USP13: variants seen among roughly 807,000 people sequenced by gnomAD.
USP13 encodes the protein ubiquitin carboxyl-terminal hydrolase 13.
In USP13, 68 loss-of-function variants were observed where a neutral mutation model predicts 107.8. That is an observed-to-expected ratio of 0.63 (90% CI 0.52 to 0.77). The LOEUF (loss-of-function observed/expected upper bound fraction) is 0.77. Ranked by LOEUF, USP13 falls within the 30% of genes least tolerant of loss-of-function variation. The probability of loss-of-function intolerance (pLI) is 0.00; values close to 1 mark genes in which losing one functional copy is unlikely to be tolerated. For missense variants in USP13, 945 were observed against 1,093.3 expected (o/e 0.86, Z 1.91); for synonymous variants, 377 against 389.5 (o/e 0.97, Z 0.38).
chr3:179,734,919 G>T (rs953301684), intron 10 of USP13, among the ~76,000 whole-genome samples: 1 of 152,108 alleles, frequency 6.6e-6, no homozygotes, highest in African/African-American at 2.4e-5. Context: ...TAAAGCATTC[G>T]GCTCAGGGGA....
chr3:179,677,507 G>A (rs899376362), intron 1 of USP13, among the ~76,000 whole-genome samples: 4 of 152,042 alleles, frequency 2.6e-5, no homozygotes, highest in Non-Finnish European at 5.9e-5. Context: ...TTGAACCCAG[G>A]AGGTGGAGGT....
At chr3:179,734,743 G>A (rs2108507656) in intron 10 of USP13, among the ~76,000 whole-genome samples, 1 of 152,314 alleles carries the variant, frequency 6.6e-6, no homozygotes, top group East Asian at 1.9e-4. Flanking sequence ...CTGGTTCAAG[G>A]TTTATTGTTT....
rs60621113 is a variant in USP13, at chr3:179,786,757, G to A, written c.*2616G>A. 0.16 allele frequency: 24,198 copies of A among 152,252 alleles called. 2,035 individuals are homozygous for A. Among genetic ancestry groups the A allele is most frequent in the East Asian group, 0.21 (1,081 of 5,180 alleles). 9.4% of individuals were successfully genotyped at this position (152,252 alleles called of 1,614,324 possible). Reference sequence around the variant, plus strand: ...ATTTGTGACTGAAAAGTGGAATAACGTGTGGATTTTGTCAACTCATTATCA... The same window carrying A: ...ATTTGTGACTGAAAAGTGGAATAACATGTGGATTTTGTCAACTCATTATCA... On this transcript the variant is annotated 3_prime_UTR_variant, in exon 21 of 21. Transcript: ENST00000263966.
intron 13 of USP13, among the ~76,000 whole-genome samples, chr3:179,752,009 C>T (rs1376128403): frequency 2.0e-5 from 3 of 152,182 alleles, no homozygotes; most frequent in Non-Finnish European, 4.4e-5. Context: ...TCCCAAAGTG[C>T]TGGGATTACA....
chr3:179,737,860 T>G (rs1714048149), intron 10 of USP13, among the ~76,000 whole-genome samples: 1 of 152,244 alleles, frequency 6.6e-6, no homozygotes, highest in Non-Finnish European at 1.5e-5. Flanking sequence ...AATAGTGCTC[T>G]GCATGAAGCA....
chr3:179,710,970 C>G (rs1712901917), intron 6 of USP13, among the ~76,000 whole-genome samples: 1 of 152,182 alleles, frequency 6.6e-6, no homozygotes, highest in African/African-American at 2.4e-5. Context: ...GGAGGTTGCT[C>G]TGGGTGAGTC....
At chr3:179,673,036 A>G (rs571015877) in intron 1 of USP13, among the ~76,000 whole-genome samples, 1 of 152,328 alleles carries the variant, frequency 6.6e-6, no homozygotes, top group East Asian at 1.9e-4. Context: ...GCTTGGTTAC[A>G]GCAGGTGGGA....
At chr3:179,683,243 G>A (rs1048097323) in intron 2 of USP13, among the ~76,000 whole-genome samples, 5 of 148,362 alleles carry the variant, frequency 3.4e-5, no homozygotes, top group African/African-American at 7.5e-5. Flanking sequence ...GTGGCTTGTC[G>A]TTTTACTTTG....
intron 10 of USP13, among the ~76,000 whole-genome samples, chr3:179,732,992 A>G (rs920743335): frequency 4.6e-5 from 7 of 152,138 alleles, no homozygotes; most frequent in African/African-American, 1.7e-4. Flanking sequence ...CTAAATTTCC[A>G]TCTTCTCTTA....
Position 179,752,294 on chromosome 3 carries a change from C to T in USP13, c.1719C>T (p.Arg573=), listed in dbSNP as rs185902975. 1.2e-6 allele frequency: 2 copies of T among 1,613,874 alleles called. No individual in the cohort carries two copies. The highest frequency in any genetic ancestry group is 2.2e-5 in the East Asian group (1 of 44,886). The change falls in exon 14 of 21, where the codon CGC becomes CGT. Residue 573 remains arginine, a synonymous_variant. Coordinates refer to ENST00000263966, the MANE Select transcript of USP13 (RefSeq NM_003940.3). ...QAKSAGVKTS[R]FASFPEYLVV... ...CCCTTGTGTTTCCCAGAACATCTCG[C>T]TTTGCTTCATTCCCTGAATACTTGG...
rs1202363163 is a variant in USP13, at chr3:179,721,408, A to G, written c.907A>G (p.Asn303Asp). The G allele has an allele frequency of 1.7e-5, 28 of 1,613,350 alleles. No individual in the cohort carries two copies. The Middle Eastern group carries it at 4.9e-4, about 28-fold the overall frequency. ...IDMLHMHGTE[N>D]GLQDNDIKLR... ...TTCGATGACTTTGTCTCAGACAGAG[A>G]ATGGGCTCCAGGACAATGACATCAA... Residue 303 changes from asparagine (N) to aspartate (D), a missense_variant, in exon 8 of 21, where the codon AAT (asparagine) becomes GAT (aspartate). Physicochemically the swap from Asn to Asp is conservative, Grantham distance 23. Transcript: ENST00000263966. This position sits in a 1 kb window ranked among gnomAD's most constrained non-coding sequence, Gnocchi z 4.3.
At chr3:179,733,125 ACTGGGACT>A (rs928407661) in intron 10 of USP13, among the ~76,000 whole-genome samples, 2 of 152,102 alleles carry the variant, frequency 1.3e-5, no homozygotes, top group African/African-American at 4.8e-5. Flanking sequence ...TCATGACCTG[ACTGGGACT>A]CTGGGTATTT....
intron 8 of USP13, among the ~76,000 whole-genome samples, chr3:179,722,909 C>T (rs1471622709): frequency 1.3e-5 from 2 of 152,208 alleles, no homozygotes; most frequent in African/African-American, 4.8e-5. Flanking sequence ...CCTCCTCCTA[C>T]ACCGAGGGGG....
At chr3:179,771,668 C>T (rs1365518830) in intron 19 of USP13, among the ~76,000 whole-genome samples, 1 of 152,122 alleles carries the variant, frequency 6.6e-6, no homozygotes, top group Non-Finnish European at 1.5e-5. Context: ...GTCGTGGCTA[C>T]TGGGACTTTG....
At chr3:179,709,044 C>T (rs190312579) in intron 6 of USP13, 87 bp downstream of exon 6, 5 of 1,468,040 alleles carry the variant, frequency 3.4e-6, no homozygotes, top group East Asian at 2.4e-5. Context: ...TTGGAAGGTG[C>T]AGGCTCTGGA....
chr3:179,742,349 G>A lies in USP13; in HGVS notation c.1533G>A (p.Lys511=). ...TGGCCATGGAGGCGGCAACCAACAA[G>A]GGTAACAATTCCAAAGCGGGAAATT... ...LPVAMEAATN[K]DELIAYELTR... is the part of the protein sequence containing the mutation. The change falls in exon 12 of 21, where the codon AAG becomes AAA. Residue 511 remains lysine, a splice_region_variant and synonymous_variant. Transcript: ENST00000263966. This position sits in a 1 kb window ranked among gnomAD's most constrained non-coding sequence, Gnocchi z 5.0. 2 of 1,614,152 alleles carry A rather than the reference G, an allele frequency of 1.2e-6. No individual in the cohort carries two copies. Among genetic ancestry groups the A allele is most frequent in the Non-Finnish European group, 1.7e-6 (2 of 1,180,016 alleles).
At chr3:179,728,786 C>A in intron 8 of USP13, among the ~76,000 whole-genome samples, 1 of 152,186 alleles carries the variant, frequency 6.6e-6, no homozygotes, top group Admixed American at 6.5e-5. Flanking sequence ...TGGAGACCGG[C>A]CGGGCCAACA....
chr3:179,710,587 C>T (rs1468077717), intron 6 of USP13, among the ~76,000 whole-genome samples: 1 of 152,184 alleles, frequency 6.6e-6, no homozygotes, highest in Non-Finnish European at 1.5e-5. Flanking sequence ...GTCTTAGGCA[C>T]AAATACTTTT....
chr3:179,760,492 C>T (rs1182286522), intron 16 of USP13, among the ~76,000 whole-genome samples: 227 of 140,646 alleles, frequency 1.6e-3, no homozygotes, highest in South Asian at 2.5e-3. Context: ...ACCGTGTTAG[C>T]CAGGATGGTC....
Sources: gnomAD v4.1 joint callset for allele counts (sites outside exome capture counted in the v4.1 genomes callset) on GRCh38, gnomAD v4.1.1 for gene constraint, Gnocchi (gnomAD v3.1) non-coding constraint, MANE v1.5 for transcripts, NCBI Gene and HGNC (gene_info 2026-07-23, HGNC 2026-07-21) for gene names.